MGAT4C: variants seen among roughly 807,000 people sequenced by gnomAD.
MGAT4C encodes alpha-1,3-mannosyl-glycoprotein 4-beta-N-acetylglucosaminyltransferase C.
In MGAT4C, 19 loss-of-function variants were observed where a neutral mutation model predicts 40.1. The observed-to-expected ratio is 0.47, with a 90% confidence interval of 0.33 to 0.70. The LOEUF (loss-of-function observed/expected upper bound fraction) is 0.70, where lower values mean the gene tolerates loss of function less well. MGAT4C is among the 30% of genes least tolerant of loss of function. The pLI is 0.02. For synonymous variants in MGAT4C, 181 were observed against 187.1 expected, an observed-to-expected ratio of 0.97 and a Z score of 0.27; for missense variants, 491 against 563.2, an observed-to-expected ratio of 0.87 and a Z score of 1.30.
At chr12:86,689,790 G>T (rs1169665727) in intron 2 of MGAT4C, among the ~76,000 whole-genome samples, 3 of 152,182 alleles carry the variant, frequency 2.0e-5, no homozygotes, top group Non-Finnish European at 4.4e-5. Context: ...AGGCACAGGG[G>T]TCAGGGACCC....
intron 1 of MGAT4C, among the ~76,000 whole-genome samples, chr12:86,816,818 A>C (rs1952616440): frequency 6.6e-6 from 1 of 151,552 alleles, no homozygotes; most frequent in African/African-American, 2.4e-5. Flanking sequence ...TGATCGAACT[A>C]ATCAGTGGTT....
intron 1 of MGAT4C, among the ~76,000 whole-genome samples, chr12:86,116,309 C>T (rs911025732): frequency 1.4e-4 from 21 of 151,366 alleles, no homozygotes; most frequent in Middle Eastern, 3.4e-3. Flanking sequence ...AAAGTATAGG[C>T]GAAAGTATTA....
At chr12:86,329,950 A>G (rs12581912) in intron 4 of MGAT4C, among the ~76,000 whole-genome samples, 10,140 of 152,266 alleles carry the variant, frequency 0.067, 813 homozygotes, top group East Asian at 0.24. Context: ...GTGTTTCTTT[A>G]AACTATTTCA....
intron 2 of MGAT4C, among the ~76,000 whole-genome samples, chr12:86,691,000 A>G (rs1048730029): frequency 6.6e-6 from 1 of 152,174 alleles, no homozygotes; most frequent in African/African-American, 2.4e-5. Flanking sequence ...GATCTCATCA[A>G]CTTCTGCACC....
At chr12:86,140,195 A>G (rs1212193037) in intron 1 of MGAT4C, among the ~76,000 whole-genome samples, 1 of 152,146 alleles carries the variant, frequency 6.6e-6, no homozygotes, top group African/African-American at 2.4e-5. Flanking sequence ...CATATATTAA[A>G]TGTCATTACA....
chr12:86,405,930 ACATACATT>A (rs1565737915), intron 3 of MGAT4C, among the ~76,000 whole-genome samples: 100,201 of 125,512 alleles, frequency 0.8, 40,217 homozygotes, highest in South Asian at 0.88. Flanking sequence ...TTTATATTAT[ACATACATT>A]TATAAATACA....
chr12:86,806,562 G>C (rs1433058958), intron 1 of MGAT4C, among the ~76,000 whole-genome samples: 2 of 151,754 alleles, frequency 1.3e-5, no homozygotes, highest in African/African-American at 2.4e-5. Context: ...TTACCAAAAG[G>C]ATCCCTCCTG....
At chr12:86,135,383 A>G (rs1390623531) in intron 1 of MGAT4C, among the ~76,000 whole-genome samples, 1 of 152,124 alleles carries the variant, frequency 6.6e-6, no homozygotes, top group Non-Finnish European at 1.5e-5. Flanking sequence ...TTTTTGTTTT[A>G]AACGTTTTTC....
chr12:86,053,117 A>G (rs529589164), intron 1 of MGAT4C, among the ~76,000 whole-genome samples: 1 of 151,970 alleles, frequency 6.6e-6, no homozygotes, highest in African/African-American at 2.4e-5. Flanking sequence ...TACACATGTG[A>G]ATGCCCACGT....
intron 3 of MGAT4C, among the ~76,000 whole-genome samples, chr12:86,363,475 A>G (rs1444356625): frequency 6.6e-6 from 1 of 152,116 alleles, no homozygotes; most frequent in African/African-American, 2.4e-5. Context: ...GTTGGGGGGA[A>G]AATTTATAGC....
At chr12:86,410,137 T>C (rs1415300543) in intron 3 of MGAT4C, among the ~76,000 whole-genome samples, 2 of 152,136 alleles carry the variant, frequency 1.3e-5, no homozygotes, top group Admixed American at 6.6e-5. Context: ...TGAGGGACTA[T>C]GTTCGGCTGT....
chr12:86,636,866 T>TA (rs1281073907), intron 2 of MGAT4C, among the ~76,000 whole-genome samples: 13 of 152,008 alleles, frequency 8.6e-5, no homozygotes, highest in Admixed American at 7.2e-4. Context: ...GTCAATATTA[T>TA]AAAAATATTT....
chr12:86,509,407 T>C (rs2136345736), intron 2 of MGAT4C, among the ~76,000 whole-genome samples: 1 of 152,316 alleles, frequency 6.6e-6, no homozygotes, highest in African/African-American at 2.4e-5. Context: ...TCTGTTCTGT[T>C]CCATTGATCT....
chr12:86,717,167 G>A lies in MGAT4C; in HGVS notation c.-229+10042C>T, dbSNP rs188466255. On this transcript the variant is annotated intron_variant, in intron 2 of 7. Transcript: ENST00000548651. ...AAAACAGACATCAAGAAGAAAACTT[G>A]TAATTATAATTATTACAAAAAAAAA... Among the ~76,000 whole-genome samples, 409 of 150,940 alleles carry A rather than the reference G, an allele frequency of 2.7e-3. 3 individuals are homozygous for A. The highest frequency in any genetic ancestry group is 9.7e-3 in the African/African-American group (400 of 41,158).
At chr12:86,566,866 C>G (rs1232129652) in intron 2 of MGAT4C, among the ~76,000 whole-genome samples, 9 of 151,254 alleles carry the variant, frequency 6.0e-5, no homozygotes, top group Non-Finnish European at 1.3e-4. Flanking sequence ...TCCATGGAAT[C>G]ACAGAATGCT....
intron 2 of MGAT4C, among the ~76,000 whole-genome samples, chr12:86,540,520 G>A (rs1296622747): frequency 2.0e-5 from 3 of 152,264 alleles, no homozygotes; most frequent in East Asian, 3.9e-4. Flanking sequence ...TGCAGATCAC[G>A]AGGTCAGGAG....
At chr12:86,164,950 A>G (rs1390859006) in intron 1 of MGAT4C, among the ~76,000 whole-genome samples, 1 of 152,194 alleles carries the variant, frequency 6.6e-6, no homozygotes, top group Non-Finnish European at 1.5e-5. Flanking sequence ...TAAAAAATTC[A>G]TTTAGGCTAA....
chr12:86,692,399 A>G (rs1950187066), intron 2 of MGAT4C, among the ~76,000 whole-genome samples: 1 of 152,226 alleles, frequency 6.6e-6, no homozygotes, highest in East Asian at 1.9e-4. Context: ...ATGTAATACA[A>G]AATGTGTAAG....
chr12:86,195,553 A>C (rs1949770440), intron 1 of MGAT4C, among the ~76,000 whole-genome samples: 1 of 152,132 alleles, frequency 6.6e-6, no homozygotes, highest in South Asian at 2.1e-4. Context: ...AAAAGACTAA[A>C]ATATAAAGAT....
Sources: gnomAD v4.1 joint callset for allele counts (sites outside exome capture counted in the v4.1 genomes callset) on GRCh38, gnomAD v4.1.1 for gene constraint, MANE v1.5 for transcripts, NCBI Gene and HGNC (gene_info 2026-07-23, HGNC 2026-07-21) for gene names.